Variants in ZFP42 observed in about 807,000 individuals in gnomAD.
ZFP42 encodes the protein ZFP42 zinc finger protein, also known as zinc finger protein 42 homolog.
For synonymous variants in ZFP42, 175 were observed against 144.6 expected (o/e 1.21, Z -1.51); for missense variants, 438 against 377.1 (o/e 1.16, Z -1.34).
chr4:188,002,383 C>T (rs1231888447), intron 3 of ZFP42, among the ~76,000 whole-genome samples: 2 of 152,186 alleles, frequency 1.3e-5, no homozygotes, highest in African/African-American at 4.8e-5. Context: ...TTTCTATGCT[C>T]ATGAGTATGT....
chr4:188,004,227 G>C lies in ZFP42; in HGVS notation c.*487G>C, dbSNP rs1446887037. Reference sequence around the variant, plus strand: ...CTTTGTTGGGAGGCCAAAGCAGGAGGATAGCTTGAGGCCAGGAGTTCCAGA... The same window carrying C: ...CTTTGTTGGGAGGCCAAAGCAGGAGCATAGCTTGAGGCCAGGAGTTCCAGA... On this transcript the variant is annotated 3_prime_UTR_variant, in exon 4 of 4. Coordinates refer to ENST00000326866, the MANE Select transcript of ZFP42 (RefSeq NM_174900.5). The C allele has an allele frequency of 6.0e-6, 1 of 167,612 alleles. No individual in the cohort carries two copies. The highest frequency in any genetic ancestry group is 1.9e-4 in the East Asian group (1 of 5,216). 10.4% of individuals were successfully genotyped at this position (167,612 alleles called of 1,614,324 possible). A position where few individuals can be genotyped will look rare whatever the true frequency, so the allele number is the denominator to read the frequency against.
intron 1 of ZFP42, among the ~76,000 whole-genome samples, chr4:187,996,987 G>GGGAGCATGGAGCATGGAGCATGGAGCGT: frequency 1.7e-5 from 1 of 58,912 alleles, no homozygotes; most frequent in South Asian, 7.8e-4. Flanking sequence ...CATAGCTGTA[G>GGGAGCATGGAGCATGGAGCATGGAGCGT]GGAGCATGGA....
At position 188,002,725 on chromosome 4, in the gene ZFP42, G is replaced by T; in HGVS notation, c.-83G>T. ...TATCATAAAGCAGGTGTTTGCTGAA[G>T]ACAGCTTACTCAGATCACTACTGCC... On this transcript the variant is annotated 5_prime_UTR_variant, in exon 4 of 4. Transcript: ENST00000326866. The T allele has an allele frequency of 8.6e-7, 1 of 1,166,092 alleles. No individual in the cohort carries two copies. The highest frequency in any genetic ancestry group is 1.2e-6 in the Non-Finnish European group (1 of 810,246). 72.2% of individuals were successfully genotyped at this position (1,166,092 alleles called of 1,614,324 possible).
At chr4:188,001,323 G>A (rs1334185913) in intron 3 of ZFP42, among the ~76,000 whole-genome samples, 2 of 151,884 alleles carry the variant, frequency 1.3e-5, no homozygotes. Context: ...GTAACATTAA[G>A]TAAGAGACTT....
chr4:187,998,759 G>A (rs1486414393), intron 1 of ZFP42, among the ~76,000 whole-genome samples: 2 of 152,100 alleles, frequency 1.3e-5, no homozygotes, highest in African/African-American at 2.4e-5. Context: ...TGTGCCATTC[G>A]GGTCTGCGTA....
chr4:188,005,102 C>G (rs1390159333), downstream of ZFP42: 1 of 166,934 alleles, frequency 6.0e-6, no homozygotes, highest in Non-Finnish European at 1.5e-5. Context: ...AAAGAGATAC[C>G]ATTTATTTGT....
chr4:188,000,780 G>A (rs867986585), intron 3 of ZFP42, among the ~76,000 whole-genome samples: 55 of 152,186 alleles, frequency 3.6e-4, no homozygotes, highest in African/African-American at 1.2e-3. Flanking sequence ...TCAGGAGTTC[G>A]AGACCAGCCT....
chr4:188,003,768 A>G lies in ZFP42; in HGVS notation c.*28A>G. The G allele has an allele frequency of 2.5e-6, 4 of 1,574,728 alleles. No homozygotes were observed. Among genetic ancestry groups the G allele is most frequent in the Non-Finnish European group, 3.5e-6 (4 of 1,156,242 alleles). ...CTCCAACAGGATGAAGCAGATTAAC[A>G]GAAGAGTGATCAGTGACAAACATGC... On this transcript the variant is annotated 3_prime_UTR_variant, in exon 4 of 4. Coordinates refer to ENST00000326866, the MANE Select transcript of ZFP42 (RefSeq NM_174900.5).
chr4:187,996,808 T>C (rs1733590525), intron 1 of ZFP42, among the ~76,000 whole-genome samples: 1 of 152,122 alleles, frequency 6.6e-6, no homozygotes, highest in South Asian at 2.1e-4. Flanking sequence ...CCCAAATCCA[T>C]TCTCCATGCA....
At position 188,003,803 on chromosome 4, in the gene ZFP42, T is replaced by A. The variant is rs919657981; in HGVS notation, c.*63T>A. 1 of 1,469,672 alleles carries A rather than the reference T, an allele frequency of 6.8e-7. No individual in the cohort carries two copies. The highest frequency in any genetic ancestry group is 1.4e-5 in the African/African-American group (1 of 71,008). 91.0% of individuals were successfully genotyped at this position (1,469,672 alleles called of 1,614,324 possible). A position where few individuals can be genotyped will look rare whatever the true frequency, so the allele number is the denominator to read the frequency against. ...TCAGTGACAAACATGCCTCATTGAT[T>A]ATTGTTTCTAGGAAGGAATTTCTAA... is the stretch of plus-strand genomic sequence containing the variant. On this transcript the variant is annotated 3_prime_UTR_variant, in exon 4 of 4. Transcript: ENST00000326866.
rs777472316 is a variant in ZFP42, at chr4:188,002,978, G to C, written c.171G>C (p.Glu57Asp). 3.1e-6 allele frequency: 5 copies of C among 1,614,148 alleles called. No homozygotes were observed. Among genetic ancestry groups the C allele is most frequent in the Non-Finnish European group, 4.2e-6 (5 of 1,180,026 alleles). The change falls in exon 4 of 4, where the codon GAG (glutamate) becomes GAC (aspartate). Residue 57 changes from glutamate to aspartate, a missense_variant. Physicochemically the swap from Glu to Asp is conservative, Grantham distance 45 (BLOSUM62 2). Coordinates refer to ENST00000326866, the MANE Select transcript of ZFP42 (RefSeq NM_174900.5). ...WALCDGYVCY[E>D]PGPQALGGDD... Reference sequence around the variant, plus strand: ...TATGTGATGGCTATGTGTGCTATGAGCCTGGCCCTCAGGCTCTCGGAGGGG... The same window carrying C: ...TATGTGATGGCTATGTGTGCTATGACCCTGGCCCTCAGGCTCTCGGAGGGG...
chr4:187,997,002 GGAGCGTGGAGCGTGGAGCA>G (rs1733606104), intron 1 of ZFP42, among the ~76,000 whole-genome samples: 1,443 of 18,306 alleles, frequency 0.079, 26 homozygotes, highest in African/African-American at 0.43. Context: ...CATGGAGCAT[GGAGCGTGGAGCGTGGAGCA>G]TGGAGCATGG....
At position 188,003,359 on chromosome 4, in the gene ZFP42, T is replaced by C; in HGVS notation, c.552T>C (p.Ser184=). The change falls in exon 4 of 4, where the codon AGT becomes AGC. Residue 184 remains serine (S), a synonymous_variant. Transcript: ENST00000326866. Reference sequence around the variant, plus strand: ...CCCCCATAAATAAAGAATATGACAGTCTGAGCGCAATCGCTTGTCCTCAGA... The same window carrying C: ...CCCCCATAAATAAAGAATATGACAGCCTGAGCGCAATCGCTTGTCCTCAGA... ...KKPPINKEYD[S]LSAIACPQSG... 6.2e-7 allele frequency: 1 copy of C among 1,613,960 alleles called. No homozygotes were observed. Among genetic ancestry groups the C allele is most frequent in the Non-Finnish European group, 8.5e-7 (1 of 1,179,982 alleles).
intron 3 of ZFP42, among the ~76,000 whole-genome samples, chr4:188,001,158 A>T (rs1379002969): frequency 1.3e-5 from 2 of 151,748 alleles, no homozygotes; most frequent in African/African-American, 4.8e-5. Flanking sequence ...AGTAAATGAC[A>T]TGCTTCTGTT....
At chr4:187,998,503 T>G (rs1158314114) in intron 1 of ZFP42, among the ~76,000 whole-genome samples, 1 of 152,144 alleles carries the variant, frequency 6.6e-6, no homozygotes, top group Non-Finnish European at 1.5e-5. Context: ...CTTCATTCAC[T>G]CAACACTCAC....
At chr4:187,998,271 GGTTGCTGTGAGCGGAGAT>G (rs1733679060) in intron 1 of ZFP42, among the ~76,000 whole-genome samples, 1 of 152,108 alleles carries the variant, frequency 6.6e-6, no homozygotes, top group Admixed American at 6.5e-5. Flanking sequence ...GGGAGGCGGA[GGTTGCTGTGAGCGGAGAT>G]CACGCTGTTG....
At chr4:187,998,152 C>A (rs1733673134) in intron 1 of ZFP42, among the ~76,000 whole-genome samples, 1 of 151,998 alleles carries the variant, frequency 6.6e-6, no homozygotes, top group South Asian at 2.1e-4. Flanking sequence ...GCCTGACCAA[C>A]GTGGAGAAAC....
chr4:188,001,635 A>G (rs538696970), intron 3 of ZFP42, among the ~76,000 whole-genome samples: 1 of 152,350 alleles, frequency 6.6e-6, no homozygotes, highest in African/African-American at 2.4e-5. Context: ...TACAACGGCA[A>G]AGTTGAATAG....
intron 1 of ZFP42, among the ~76,000 whole-genome samples, chr4:187,997,228 C>A (rs199847060): frequency 1.7e-5 from 1 of 60,028 alleles, no homozygotes. Flanking sequence ...CTCTCATATT[C>A]TTTTTTTTTT....
Sources: allele counts gnomAD v4.1 joint callset (sites outside exome capture counted in the v4.1 genomes callset), GRCh38; gene constraint gnomAD v4.1.1; transcripts MANE v1.5; gene names NCBI Gene and HGNC (gene_info 2026-07-23, HGNC 2026-07-21).